Variants in INPP5F observed in about 807,000 individuals in gnomAD.
INPP5F encodes the protein inositol polyphosphate-5-phosphatase F, also known as phosphatidylinositide 4-phosphatase SAC2.
A neutral mutation model predicts 137.2 loss-of-function variants in INPP5F; 97 were observed. The observed-to-expected ratio is 0.71, with a 90% CI of 0.60 to 0.84. The LOEUF (loss-of-function observed/expected upper bound fraction) is 0.84, where lower values mean the gene tolerates loss of function less well. Among genes scored for constraint, INPP5F ranks in the 40% least tolerant of loss-of-function variants. INPP5F has a pLI of 0.00. For missense variants in INPP5F, 1,271 were observed against 1,371.9 expected, an observed-to-expected ratio of 0.93 and a Z score of 1.16; for synonymous variants, 504 against 476.9, an observed-to-expected ratio of 1.06 and a Z score of -0.74.
Position 119,767,124 on chromosome 10 carries a change from A to AAAAAAC in INPP5F, c.179-14506_179-14505insCAAAAA, listed in dbSNP as rs1554887163. 4.3e-4 allele frequency among the ~76,000 whole-genome samples: 65 copies of AAAAAAC among 149,480 alleles called. 4 individuals carry two copies. The highest frequency in any genetic ancestry group is 1.6e-3 in the African/African-American group (64 of 40,736). ...TGTCTCCAGAAAAAAAAAAAAAAAA[A>AAAAAAC]AAAAAAAAACCTAGAGAGATTTTCA... On this transcript the variant is annotated intron_variant, in intron 2 of 19. Transcript: ENST00000650623.
At chr10:119,728,622 C>A (rs1214039337) in intron 1 of INPP5F, among the ~76,000 whole-genome samples, 1 of 152,194 alleles carries the variant, frequency 6.6e-6, no homozygotes, top group Admixed American at 6.5e-5. Flanking sequence ...GTGGTTTTTA[C>A]ATTCGTGACT....
chr10:119,795,156 G>T (rs1850316096), intron 6 of INPP5F, among the ~76,000 whole-genome samples: 2 of 148,726 alleles, frequency 1.3e-5, no homozygotes, highest in African/African-American at 4.9e-5. Flanking sequence ...CTCCCAGACG[G>T]GGCGGCTGGC....
chr10:119,812,016 ATTAAC>A, intron 15 of INPP5F, 61 bp downstream of exon 15: 1 of 1,296,760 alleles, frequency 7.7e-7, no homozygotes, highest in Non-Finnish European at 1.1e-6. Context: ...AGTTGTCATG[ATTAAC>A]ACTGGCAGTT....
At chr10:119,741,371 G>C (rs946670634) in intron 1 of INPP5F, among the ~76,000 whole-genome samples, 11 of 152,096 alleles carry the variant, frequency 7.2e-5, no homozygotes, top group Admixed American at 3.3e-4. Flanking sequence ...TTCCTGTTTA[G>C]TTCTTCAGCC....
intron 2 of INPP5F, among the ~76,000 whole-genome samples, chr10:119,765,584 G>A (rs745865870): frequency 1.5e-4 from 20 of 134,260 alleles, no homozygotes; most frequent in Non-Finnish European, 2.8e-4. Context: ...GTTTTGCTAT[G>A]TTGCCCAGTC....
At chr10:119,752,443 G>A (rs960104740) in intron 2 of INPP5F, among the ~76,000 whole-genome samples, 5 of 152,008 alleles carry the variant, frequency 3.3e-5, no homozygotes, top group Admixed American at 6.6e-5. Context: ...AAATTATCTG[G>A]GCATGGTGGC....
chr10:119,727,501 A>G (rs924520393), intron 1 of INPP5F, among the ~76,000 whole-genome samples: 3 of 152,108 alleles, frequency 2.0e-5, no homozygotes, highest in Admixed American at 6.5e-5. Context: ...GTTATTAGTA[A>G]CTCGTTCGGG....
chr10:119,814,844 A>G (rs1363633921), intron 15 of INPP5F, among the ~76,000 whole-genome samples: 1 of 151,634 alleles, frequency 6.6e-6, no homozygotes, highest in African/African-American at 2.4e-5. Flanking sequence ...TTTTAGTTGT[A>G]TGTTTGTTTC....
chr10:119,728,608 C>T (rs933672226), intron 1 of INPP5F, among the ~76,000 whole-genome samples: 12 of 152,174 alleles, frequency 7.9e-5, no homozygotes, highest in African/African-American at 2.9e-4. Context: ...AGCTTGTGGG[C>T]ATCGTGGTTT....
chr10:119,790,794 T>C (rs150875396), intron 3 of INPP5F, among the ~76,000 whole-genome samples: 1 of 152,368 alleles, frequency 6.6e-6, no homozygotes, highest in East Asian at 1.9e-4. Context: ...TGAAATTATA[T>C]GTAAATCCCT....
intron 1 of INPP5F, among the ~76,000 whole-genome samples, chr10:119,737,178 C>T (rs751956878): frequency 6.6e-6 from 1 of 152,150 alleles, no homozygotes; most frequent in Non-Finnish European, 1.5e-5. Context: ...TTTAAATATT[C>T]TTGTGGTTAC....
rs1589687657 is a variant in INPP5F, at chr10:119,762,156, G to T, written c.178+11000G>T. Among the ~76,000 whole-genome samples, 3 of 152,304 alleles carry T rather than the reference G, an allele frequency of 2.0e-5. No individual in the cohort carries two copies. In the South Asian group the frequency reaches 6.2e-4, roughly 32 times the overall value. ...GACCCTTGCAGTTCAAACTTGTGTTGTTCAAGGGTCAACTGTGTATAATAG... is the reference window on the plus strand; with the variant it reads ...GACCCTTGCAGTTCAAACTTGTGTTTTTCAAGGGTCAACTGTGTATAATAG... On this transcript the variant is annotated intron_variant, in intron 2 of 19. Coordinates refer to ENST00000650623, the MANE Select transcript of INPP5F (RefSeq NM_014937.4).
In INPP5F at chr10:119,820,924, T is replaced by A; in HGVS notation, c.1958+7T>A. 1 of 1,571,578 alleles carries A rather than the reference T, an allele frequency of 6.4e-7. No homozygotes were observed. Among genetic ancestry groups the A allele is most frequent in the Non-Finnish European group, 8.8e-7 (1 of 1,141,970 alleles). On this transcript the variant is annotated splice_region_variant and intron_variant, in intron 16 of 19. Coordinates refer to ENST00000650623, the MANE Select transcript of INPP5F (RefSeq NM_014937.4). ...CTGCCTACTACGTGGCCTAGTAAGT[T>A]GCTTATTGATTTAAAGGTTTTGATT...
intron 1 of INPP5F, among the ~76,000 whole-genome samples, chr10:119,732,185 G>C (rs1337295164): frequency 6.6e-6 from 1 of 152,016 alleles, no homozygotes; most frequent in Non-Finnish European, 1.5e-5. Flanking sequence ...ACAGGCGCCT[G>C]CCATCATGCC....
intron 3 of INPP5F, among the ~76,000 whole-genome samples, chr10:119,786,161 C>A (rs561187853): frequency 7.0e-4 from 106 of 152,292 alleles, no homozygotes; most frequent in African/African-American, 2.4e-3. Context: ...AACATCAACC[C>A]TTAGTCTCGG....
rs187979005 is a variant in INPP5F at position 119,806,456 on chromosome 10, C to T, written c.1416C>T (p.Ile472=). Residue 472 remains isoleucine (I), a synonymous_variant, in exon 12 of 20, where the codon ATC becomes ATT. Transcript: ENST00000650623. ...GCACCAACGTGGTCCAAGCTGCCAT[C>T]GCGAGAGTGGTCATGGAACAGCAGG... is the stretch of plus-strand genomic sequence containing the variant. ...LDRTNVVQAA[I]ARVVMEQQLK... 2.1e-5 allele frequency: 34 copies of T among 1,607,610 alleles called. No individual in the cohort carries two copies. Among genetic ancestry groups the T allele is most frequent in the Non-Finnish European group, 2.5e-5 (30 of 1,177,504 alleles).
chr10:119,756,819 G>T (rs1848859571), intron 2 of INPP5F, among the ~76,000 whole-genome samples: 1 of 120,784 alleles, frequency 8.3e-6, no homozygotes, highest in African/African-American at 3.1e-5. Flanking sequence ...TTCTGTGCGT[G>T]TTATCCTTTG....
intron 15 of INPP5F, among the ~76,000 whole-genome samples, chr10:119,817,094 C>T (rs1031162905): frequency 1.3e-5 from 2 of 152,134 alleles, no homozygotes; most frequent in African/African-American, 4.8e-5. Flanking sequence ...TAATATAATA[C>T]GTGGCCTTTT....
At chr10:119,741,422 G>A (rs1378855950) in intron 1 of INPP5F, among the ~76,000 whole-genome samples, 1 of 152,206 alleles carries the variant, frequency 6.6e-6, no homozygotes, top group Non-Finnish European at 1.5e-5. Context: ...ATGGCCAGCA[G>A]TACCAAACTA....
Sources: gnomAD v4.1 joint callset for allele counts (sites outside exome capture counted in the v4.1 genomes callset) on GRCh38, gnomAD v4.1.1 for gene constraint, MANE v1.5 for transcripts, NCBI Gene and HGNC (gene_info 2026-07-23, HGNC 2026-07-21) for gene names.